The following KPNB1 variants were observed in gnomAD, a reference collection of about 807,000 sequenced individuals.
KPNB1 encodes the protein karyopherin subunit beta 1.
Under a neutral mutation model 113.0 loss-of-function variants are expected in KPNB1, and 7 were observed. The ratio of observed to expected loss-of-function variants is 0.06; its 90% CI spans 0.04 to 0.12. KPNB1 has a LOEUF of 0.12. Among genes scored for constraint, KPNB1 ranks in the 10% least tolerant of loss-of-function variants. The probability of loss-of-function intolerance (pLI) is 1.00; values close to 1 mark genes in which losing one functional copy is unlikely to be tolerated. For synonymous variants in KPNB1, 363 were observed against 378.6 expected (o/e 0.96, Z 0.48); for missense variants, 400 against 1,054.8 (o/e 0.38, Z 8.60).
At chr17:47,651,431 T>A in intron 2 of KPNB1, 1 of 783,710 alleles carries the variant, frequency 1.3e-6, no homozygotes, top group Non-Finnish European at 1.5e-6. Flanking sequence ...TTGTGTTATA[T>A]AGGCAAAATG....
At chr17:47,651,130 C>T in intron 2 of KPNB1, 2 of 777,770 alleles carry the variant, frequency 2.6e-6, no homozygotes, top group East Asian at 1.3e-4. Context: ...TGAGGCTCAT[C>T]TTTGAGATGG....
intron 2 of KPNB1, among the ~76,000 whole-genome samples, chr17:47,650,776 A>T (rs1200918337): frequency 6.6e-6 from 1 of 151,056 alleles, no homozygotes; most frequent in Non-Finnish European, 1.5e-5. Flanking sequence ...CGTGTTCAGC[A>T]GGGGTGGGGG....
chr17:47,677,990 A>G, intron 17 of KPNB1, 56 bp from the exon 18 acceptor site: 4 of 1,534,830 alleles, frequency 2.6e-6, no homozygotes, highest in Non-Finnish European at 3.6e-6. Context: ...ATTTTCATGA[A>G]TCTTTGGACC....
intron 20 of KPNB1, 40 bp from the exon 21 acceptor site, chr17:47,680,468 G>C (rs2030737909): frequency 6.2e-7 from 1 of 1,609,182 alleles, no homozygotes; most frequent in Admixed American, 1.7e-5. Context: ...TACTGGTATG[G>C]GGCTAGGAGC....
intron 3 of KPNB1, 75 bp downstream of exon 3, chr17:47,652,951 C>T: frequency 1.7e-6 from 2 of 1,159,034 alleles, no homozygotes; most frequent in Non-Finnish European, 2.4e-6. Flanking sequence ...TTGCTATTTG[C>T]ATGGGATAGA....
chr17:47,678,023 CT>C (rs1167508253), intron 17 of KPNB1, 22 bp from the exon 18 acceptor site: 3 of 1,602,902 alleles, frequency 1.9e-6, no homozygotes, highest in Non-Finnish European at 2.6e-6. Flanking sequence ...ACTTAATTCA[CT>C]TTTCCTTTTG....
rs1462736147 is a variant in KPNB1 at position 47,682,758 on chromosome 17, G to A, written c.*354G>A. 3.4e-6 allele frequency: 1 copy of A among 296,268 alleles called. No individual in the cohort carries two copies. Among genetic ancestry groups the A allele is most frequent in the Non-Finnish European group, 6.4e-6 (1 of 156,666 alleles). The allele number at this position is 296,268 out of a possible 1,614,324, so 18.4% of individuals were successfully genotyped here. A position where few individuals can be genotyped will look rare whatever the true frequency, so the allele number is the denominator to read the frequency against. On this transcript the variant is annotated 3_prime_UTR_variant, in exon 22 of 22. Transcript: ENST00000290158. ...TCTGTCTTTTGGCCAGTGCCGAGTG[G>A]AATGCCTGGTTTGGGGGAGGAGGAG... is the stretch of plus-strand genomic sequence containing the variant.
chr17:47,671,014 G>A (rs1029830032), intron 12 of KPNB1, among the ~76,000 whole-genome samples, 182 bp downstream of exon 12: 1 of 152,226 alleles, frequency 6.6e-6, no homozygotes, highest in African/African-American at 2.4e-5. Context: ...CCAGCACTTT[G>A]GGAGGCCAAG....
intron 15 of KPNB1, among the ~76,000 whole-genome samples, chr17:47,675,381 T>TTTTC (rs2030582151): frequency 1.9e-5 from 2 of 107,176 alleles, no homozygotes; most frequent in Non-Finnish European, 3.8e-5. Flanking sequence ...TGTTTTTTTT[T>TTTTC]TTTGTTTGTT....
At chr17:47,681,195 G>A (rs904266198) in intron 21 of KPNB1, among the ~76,000 whole-genome samples, 21 of 150,714 alleles carry the variant, frequency 1.4e-4, no homozygotes, top group African/African-American at 2.9e-4. Context: ...TCAGCCTCCC[G>A]AGTAGCTGGG....
intron 20 of KPNB1, 25 bp downstream of exon 20, chr17:47,680,159 G>A: frequency 6.9e-7 from 1 of 1,441,802 alleles, no homozygotes; most frequent in South Asian, 1.1e-5. Flanking sequence ...GCTTCTAAGA[G>A]CTGAATAGAA....
At chr17:47,665,276 A>G in intron 9 of KPNB1, 118 bp downstream of exon 9, 1 of 767,274 alleles carries the variant, frequency 1.3e-6, no homozygotes. Flanking sequence ...TCTGTTGTTG[A>G]TGACTTAGAA....
chr17:47,684,968 C>G lies in KPNB1; in HGVS notation c.*2564C>G, dbSNP rs2030899335. 1 of 152,240 alleles carries G rather than the reference C, an allele frequency of 6.6e-6. No individual in the cohort carries two copies. Among genetic ancestry groups the G allele is most frequent in the Non-Finnish European group, 1.5e-5 (1 of 68,054 alleles). 9.4% of individuals were successfully genotyped at this position (152,240 alleles called of 1,614,324 possible). On this transcript the variant is annotated 3_prime_UTR_variant, in exon 22 of 22. Transcript: ENST00000290158. Reference sequence around the variant, plus strand: ...ACTCACTGTCTGGGCCTTCCCCACCCTAGTCTTGGCACATTCCTTCAAGAA... The same window carrying G: ...ACTCACTGTCTGGGCCTTCCCCACCGTAGTCTTGGCACATTCCTTCAAGAA...
chr17:47,680,267 C>G (rs749141597), intron 20 of KPNB1, 133 bp downstream of exon 20: 15 of 768,500 alleles, frequency 2.0e-5, no homozygotes, highest in Non-Finnish European at 2.9e-5. Context: ...CTTTGCAGAA[C>G]GCTTCATGTC....
chr17:47,668,860 T>C (rs1358991277), intron 10 of KPNB1, among the ~76,000 whole-genome samples: 2 of 152,106 alleles, frequency 1.3e-5, no homozygotes, highest in African/African-American at 2.4e-5. Context: ...TTGGACAAAA[T>C]GTCCTTTATG....
rs765290871 is a variant in KPNB1 at position 47,656,999 on chromosome 17, A to G, written c.422A>G (p.Asn141Ser). ...CTGGTGGCCAATGTCACAAACCCCAACAGCACAGAGCACATGAAGGAGTCG... is the reference window on the plus strand; with the variant it reads ...CTGGTGGCCAATGTCACAAACCCCAGCAGCACAGAGCACATGAAGGAGTCG... ...PQLVANVTNP[N>S]STEHMKESTL... is the part of the protein sequence containing the mutation. The change falls in exon 4 of 22, where the codon AAC (asparagine) becomes AGC (serine). Residue 141 changes from asparagine to serine, a missense_variant. Physicochemically the swap from Asn to Ser is conservative, Grantham distance 46. Coordinates refer to ENST00000290158, the MANE Select transcript of KPNB1 (RefSeq NM_002265.6). 1.9e-6 allele frequency: 3 copies of G among 1,614,222 alleles called. No homozygotes were observed. The highest frequency in any genetic ancestry group is 2.2e-5 in the South Asian group (2 of 91,088).
rs374342287 is a variant in KPNB1 at position 47,677,008 on chromosome 17, G to T, written c.1996-12G>T. 3.1e-6 allele frequency: 5 copies of T among 1,607,650 alleles called. No individual in the cohort carries two copies. The African/African-American group carries it at 6.7e-5, about 22-fold the overall frequency. On this transcript the variant is annotated splice_polypyrimidine_tract_variant and intron_variant, in intron 16 of 21. Coordinates refer to ENST00000290158, the MANE Select transcript of KPNB1 (RefSeq NM_002265.6). The stretch of plus-strand genomic sequence containing the variant: ...TTTTCTGTTAGAAGATTATTTCCTT[G>T]ATTCTTGGCAGGTTTGTTTGGCAGC...
At chr17:47,680,178 A>C (rs755460316) in intron 20 of KPNB1, 44 bp downstream of exon 20, 5 of 1,296,792 alleles carry the variant, frequency 3.9e-6, no homozygotes, top group Non-Finnish European at 5.6e-6. Context: ...AACTTCTCAC[A>C]GAAAATGAGA....
At chr17:47,677,160 C>G (rs780998028) in intron 17 of KPNB1, 33 bp downstream of exon 17, 16 of 1,455,052 alleles carry the variant, frequency 1.1e-5, no homozygotes, top group Non-Finnish European at 1.4e-5. Flanking sequence ...ATTAACCAGT[C>G]TTCTTTGAAG....
Sources: allele counts gnomAD v4.1 joint callset (sites outside exome capture counted in the v4.1 genomes callset), GRCh38; gene constraint gnomAD v4.1.1; transcripts MANE v1.5; gene names NCBI Gene and HGNC (gene_info 2026-07-23, HGNC 2026-07-21).